Variants in DMTF1 observed in about 807,000 individuals in gnomAD.
DMTF1 encodes the protein cyclin-D-binding Myb-like transcription factor 1.
Under a neutral mutation model 91.1 loss-of-function variants are expected in DMTF1, and 39 were observed. The observed-to-expected ratio is 0.43, with a 90% CI of 0.33 to 0.56. DMTF1 has a LOEUF of 0.56. Ranked by LOEUF, DMTF1 falls within the 20% of genes least tolerant of loss-of-function variation. The pLI is 0.05. For synonymous variants in DMTF1, 338 were observed against 309.5 expected (o/e 1.09, Z -0.97); for missense variants, 750 against 914.5 (o/e 0.82, Z 2.32).
At chr7:87,167,178 T>C (rs149135278) in intron 4 of DMTF1, among the ~76,000 whole-genome samples, 5 of 152,350 alleles carry the variant, frequency 3.3e-5, no homozygotes, top group African/African-American at 1.2e-4. Flanking sequence ...ATATTGCCTC[T>C]TCAGTATGCT....
At chr7:87,166,278 C>A (rs1432162934) in intron 3 of DMTF1, among the ~76,000 whole-genome samples, 1 of 152,202 alleles carries the variant, frequency 6.6e-6, no homozygotes, top group Admixed American at 6.5e-5. Context: ...GTTTAAGACA[C>A]CGCCTTGAGG....
intron 3 of DMTF1, 132 bp downstream of exon 3, chr7:87,165,182 C>T (rs1193259752): frequency 2.0e-6 from 1 of 488,698 alleles, no homozygotes; most frequent in Non-Finnish European, 3.6e-6. Context: ...AGGAGATTAT[C>T]TCTTTAACAT....
intron 10 of DMTF1, among the ~76,000 whole-genome samples, chr7:87,183,767 G>A (rs922673172): frequency 1.3e-5 from 2 of 152,108 alleles, no homozygotes; most frequent in African/African-American, 4.8e-5. Context: ...AGACAGAGAG[G>A]AACATTTGGG....
intron 4 of DMTF1, among the ~76,000 whole-genome samples, chr7:87,169,904 T>C (rs1253305967): frequency 6.6e-6 from 1 of 152,216 alleles, no homozygotes; most frequent in Non-Finnish European, 1.5e-5. Context: ...TTACTCACTT[T>C]TTAGGTGATC....
At position 87,164,999 on chromosome 7, in the gene DMTF1, A is replaced by C; in HGVS notation, c.58A>C (p.Thr20Pro). ...TVTVETVNSV[T>P]LTQDTEGNLI... is the part of the protein sequence containing the mutation. ...AACAGTAGAAACTGTGAACTCTGTG[A>C]CTTTGACTCAGGACACAGAAGGGAA... Residue 20 changes from threonine (T) to proline (P), a missense_variant, in exon 3 of 18, where the codon ACT (threonine) becomes CCT (proline). Coordinates refer to ENST00000331242, the MANE Select transcript of DMTF1 (RefSeq NM_001142327.2). The C allele has an allele frequency of 6.2e-7, 1 of 1,610,962 alleles. No individual in the cohort carries two copies. The highest frequency in any genetic ancestry group is 1.1e-5 in the South Asian group (1 of 90,382).
At chr7:87,169,051 T>C (rs551558195) in intron 4 of DMTF1, among the ~76,000 whole-genome samples, 9 of 152,334 alleles carry the variant, frequency 5.9e-5, no homozygotes, top group African/African-American at 2.2e-4. Flanking sequence ...TCTTCCCCTT[T>C]ACCTACTCAA....
At chr7:87,158,334 C>T (rs1791333267) in intron 1 of DMTF1, among the ~76,000 whole-genome samples, 1 of 151,910 alleles carries the variant, frequency 6.6e-6, no homozygotes, top group Admixed American at 6.6e-5. Flanking sequence ...TTATTAAAAC[C>T]ACTTCAGCTT....
At chr7:87,167,027 A>G (rs180788303) in intron 4 of DMTF1, among the ~76,000 whole-genome samples, 1 of 152,342 alleles carries the variant, frequency 6.6e-6, no homozygotes, top group Admixed American at 6.5e-5. Context: ...TTGAGAAGAA[A>G]GCATGCTTTA....
rs576082807 is a variant in DMTF1 at position 87,171,182 on chromosome 7, C to G, written c.327+93C>G. On this transcript the variant is annotated intron_variant, in intron 5 of 17. Transcript: ENST00000331242. ...TGAGAAACCTCAGCCTCCCAAGTAG[C>G]GAGGACTACTGGCACATGCCACTGT... is the stretch of plus-strand genomic sequence containing the variant. The G allele has an allele frequency of 4.8e-6, 4 of 826,772 alleles. No homozygotes were observed. The East Asian group carries it at 7.9e-5, about 16-fold the overall frequency. 51.2% of individuals were successfully genotyped at this position (826,772 alleles called of 1,614,324 possible). A position where few individuals can be genotyped will look rare whatever the true frequency, so the allele number is the denominator to read the frequency against.
Position 87,184,485 on chromosome 7 carries a change from T to C in DMTF1, c.909T>C (p.Gly303=), listed in dbSNP as rs1265269223. The part of the protein sequence containing the change: ...STEPGDIVTQ[G]VSWAAVAERV... ...AGCCAGGTGACATAGTCACACAGGG[T>C]GTGTCTTGGGCAGCTGTGGCTGAAC... Residue 303 remains glycine (G), a synonymous_variant, in exon 11 of 18, where the codon GGT becomes GGC. Transcript: ENST00000331242. The C allele has an allele frequency of 6.2e-7, 1 of 1,613,858 alleles. No homozygotes were observed. Among genetic ancestry groups the C allele is most frequent in the Admixed American group, 1.7e-5 (1 of 59,970 alleles).
At chr7:87,190,217 G>A (rs1295043538) in intron 13 of DMTF1, among the ~76,000 whole-genome samples, 4 of 151,840 alleles carry the variant, frequency 2.6e-5, no homozygotes, top group Non-Finnish European at 5.9e-5. Context: ...CCCCAAATGT[G>A]GTCTTCGGAA....
intron 7 of DMTF1, among the ~76,000 whole-genome samples, chr7:87,177,121 G>A (rs1301269361): frequency 3.3e-5 from 5 of 152,080 alleles, no homozygotes; most frequent in Admixed American, 3.3e-4. Context: ...ATTCAAAAGT[G>A]TATAAAATGC....
intron 3 of DMTF1, among the ~76,000 whole-genome samples, chr7:87,165,529 C>T (rs1793632779): frequency 6.6e-6 from 1 of 152,142 alleles, no homozygotes; most frequent in Non-Finnish European, 1.5e-5. Flanking sequence ...CTCTGAAGTT[C>T]ATCTTTACTC....
intron 10 of DMTF1, among the ~76,000 whole-genome samples, chr7:87,183,011 G>GAGT (rs1360098578): frequency 6.6e-6 from 1 of 152,076 alleles, no homozygotes; most frequent in Non-Finnish European, 1.5e-5. Context: ...AAAGAGATTA[G>GAGT]AGTAGGTGGT....
intron 11 of DMTF1, among the ~76,000 whole-genome samples, chr7:87,185,464 G>A (rs905940368): frequency 2.6e-5 from 4 of 152,034 alleles, no homozygotes; most frequent in African/African-American, 9.7e-5. Context: ...CTCAGATCCA[G>A]GAAGTAAATG....
intron 1 of DMTF1, among the ~76,000 whole-genome samples, chr7:87,156,851 T>C (rs903529400): frequency 6.6e-6 from 1 of 152,080 alleles, no homozygotes; most frequent in Non-Finnish European, 1.5e-5. Context: ...AATGATAGAG[T>C]AATAGTCCAT....
chr7:87,158,782 A>G (rs186277709), intron 1 of DMTF1, among the ~76,000 whole-genome samples: 2 of 152,054 alleles, frequency 1.3e-5, no homozygotes, highest in Non-Finnish European at 1.5e-5. Flanking sequence ...GTCTTCATTT[A>G]TAGGGTATAA....
chr7:87,193,929 C>CCTAA lies in DMTF1; in HGVS notation c.1856_1859dup (p.Lys620AsnfsTer2). On this transcript the variant is annotated frameshift_variant, in exon 16 of 18. Coordinates refer to ENST00000331242, the MANE Select transcript of DMTF1 (RefSeq NM_001142327.2). LOFTEE classifies it high-confidence loss of function. ...CACTTTCCCAGATGAAATTCATCAC[C>CCTAA]CTAAGATGACTGTGGAGCCATCATT... is the stretch of plus-strand genomic sequence containing the variant. The CCTAA allele has an allele frequency of 6.2e-7, 1 of 1,613,310 alleles. No individual in the cohort carries two copies.
At chr7:87,175,647 A>G (rs1246050437) in intron 7 of DMTF1, among the ~76,000 whole-genome samples, 2 of 152,206 alleles carry the variant, frequency 1.3e-5, no homozygotes, top group African/African-American at 4.8e-5. Flanking sequence ...CAGTTATGGA[A>G]AATTTTGGTA....
Sources: gnomAD v4.1 joint callset for allele counts (sites outside exome capture counted in the v4.1 genomes callset) on GRCh38, gnomAD v4.1.1 for gene constraint, MANE v1.5 for transcripts, NCBI Gene and HGNC (gene_info 2026-07-23, HGNC 2026-07-21) for gene names.